B4GALT5: variants seen among roughly 807,000 people sequenced by gnomAD.
The protein encoded by B4GALT5 is beta-1,4-galactosyltransferase 5.
B4GALT5 carries 11 observed loss-of-function variants against 45.0 expected under a neutral mutation model. That is an observed-to-expected ratio of 0.24 (90% CI 0.15 to 0.40). The LOEUF is 0.40. Among genes scored for constraint, B4GALT5 ranks in the 10% least tolerant of loss-of-function variants. The pLI, the probability that B4GALT5 is intolerant of heterozygous loss-of-function variation, is 1.00. For synonymous variants in B4GALT5, 185 were observed against 182.9 expected (o/e 1.01, Z -0.09); for missense variants, 337 against 500.2 (o/e 0.67, Z 3.11).
At chr20:49,648,703 T>C (rs891530562) in intron 2 of B4GALT5, among the ~76,000 whole-genome samples, 14 of 152,172 alleles carry the variant, frequency 9.2e-5, no homozygotes, top group Non-Finnish European at 2.9e-5. Flanking sequence ...GTCACGTTAG[T>C]GGATATGAAG....
chr20:49,641,848 T>A (rs1049906190), intron 5 of B4GALT5, among the ~76,000 whole-genome samples: 1 of 152,012 alleles, frequency 6.6e-6, no homozygotes, highest in African/African-American at 2.4e-5. Context: ...AAGTCAGTAA[T>A]GTAAACATAT....
chr20:49,709,617 CAAAAATTAGCCAG>C (rs1302512929), intron 1 of B4GALT5, among the ~76,000 whole-genome samples: 1 of 151,954 alleles, frequency 6.6e-6, no homozygotes, highest in African/African-American at 2.4e-5. Flanking sequence ...ACTAAAAATA[CAAAAATTAGCCAG>C]TGGTGGCAAG....
intron 1 of B4GALT5, among the ~76,000 whole-genome samples, chr20:49,686,303 CTG>C (rs1455108458): frequency 1.3e-5 from 2 of 152,118 alleles, no homozygotes. Context: ...GTGGATTTCT[CTG>C]TGTTGGTTTG....
chr20:49,644,456 G>C (rs985789467), intron 3 of B4GALT5, among the ~76,000 whole-genome samples: 1 of 152,186 alleles, frequency 6.6e-6, no homozygotes, highest in Admixed American at 6.5e-5. Flanking sequence ...TGCTCCTGAT[G>C]CAAGTGCAGC....
chr20:49,669,535 A>G (rs959387651), intron 1 of B4GALT5, among the ~76,000 whole-genome samples: 3 of 152,050 alleles, frequency 2.0e-5, no homozygotes, highest in Non-Finnish European at 2.9e-5. Flanking sequence ...CGTCTCTACT[A>G]AAAATACAAA....
chr20:49,682,239 A>G (rs1452936683), intron 1 of B4GALT5, among the ~76,000 whole-genome samples: 1 of 152,234 alleles, frequency 6.6e-6, no homozygotes, highest in Non-Finnish European at 1.5e-5. Flanking sequence ...CAGTGTGAAT[A>G]AAGCACTGCT....
chr20:49,665,648 T>TA (rs1469450187), intron 1 of B4GALT5, among the ~76,000 whole-genome samples: 1 of 150,104 alleles, frequency 6.7e-6, no homozygotes, highest in African/African-American at 2.5e-5. Context: ...ACTCTAAAGA[T>TA]AAAGAGATAC....
chr20:49,704,747 A>C (rs572055750), intron 1 of B4GALT5, among the ~76,000 whole-genome samples: 2,460 of 151,730 alleles, frequency 0.016, 61 homozygotes, highest in African/African-American at 0.05. Context: ...AACAAAAAAA[A>C]ACCACAACAT....
intron 1 of B4GALT5, among the ~76,000 whole-genome samples, chr20:49,677,983 G>A (rs983043648): frequency 2.6e-5 from 4 of 152,230 alleles, no homozygotes; most frequent in African/African-American, 7.2e-5. Flanking sequence ...CCTGACCTCA[G>A]GTGATCTGCC....
chr20:49,678,675 C>T (rs184265923), intron 1 of B4GALT5, among the ~76,000 whole-genome samples: 1 of 152,314 alleles, frequency 6.6e-6, no homozygotes, highest in Admixed American at 6.5e-5. Flanking sequence ...TCTCAAACTT[C>T]CTCCTAACAC....
rs138727530 is a variant in B4GALT5 at position 49,643,922 on chromosome 20, C to CTTTTTTT, written c.365-279_365-273dup. On this transcript the variant is annotated intron_variant, in intron 3 of 8. Coordinates refer to ENST00000371711, the MANE Select transcript of B4GALT5 (RefSeq NM_004776.4). The stretch of plus-strand genomic sequence containing the variant: ...AACTTTAAGTAAAACAGTAGCTGAG[C>CTTTTTTT]TTTTTTTTTTTTTTTTTTTTTTTTT... Among the ~76,000 whole-genome samples the CTTTTTTT allele has an allele frequency of 1.9e-4, 10 of 52,184 alleles. 1 individual carries two copies. The highest frequency in any genetic ancestry group is 2.9e-4 in the Admixed American group (1 of 3,402). The allele number at this position is 52,184 out of a possible 152,430, so 34.2% of individuals were successfully genotyped here. A position where few individuals can be genotyped will look rare whatever the true frequency, so the allele number is the denominator to read the frequency against.
intron 2 of B4GALT5, among the ~76,000 whole-genome samples, chr20:49,652,738 T>C (rs1057072001): frequency 1.3e-5 from 2 of 152,212 alleles, no homozygotes; most frequent in Non-Finnish European, 2.9e-5. Flanking sequence ...CTAATCACCA[T>C]GTTGCTTTTA....
chr20:49,655,400 C>G (rs1179958476), intron 2 of B4GALT5, among the ~76,000 whole-genome samples: 1 of 151,944 alleles, frequency 6.6e-6, no homozygotes, highest in Non-Finnish European at 1.5e-5. Context: ...CCACTGCACT[C>G]CAGCCTGGGT....
At chr20:49,682,278 C>T (rs1366971247) in intron 1 of B4GALT5, among the ~76,000 whole-genome samples, 3 of 152,212 alleles carry the variant, frequency 2.0e-5, no homozygotes, top group Non-Finnish European at 2.9e-5. Context: ...TGTGCACTGC[C>T]TACTACTGCT....
chr20:49,643,402 A>C, intron 4 of B4GALT5, 124 bp downstream of exon 4: 2 of 1,294,498 alleles, frequency 1.5e-6, no homozygotes, highest in Non-Finnish European at 2.1e-6. Context: ...ATGTTTCTAC[A>C]TTTGCATGGA....
At chr20:49,710,739 C>G (rs1247792577) in intron 1 of B4GALT5, among the ~76,000 whole-genome samples, 1 of 152,020 alleles carries the variant, frequency 6.6e-6, no homozygotes, top group African/African-American at 2.4e-5. Context: ...ATTTTCTAAG[C>G]TCATTTTAAT....
At chr20:49,710,709 C>T (rs2085905676) in intron 1 of B4GALT5, among the ~76,000 whole-genome samples, 1 of 151,992 alleles carries the variant, frequency 6.6e-6, no homozygotes, top group Non-Finnish European at 1.5e-5. Flanking sequence ...TGAGCCACCA[C>T]ACCCAGCCAA....
chr20:49,707,084 G>A (rs2085887439), intron 1 of B4GALT5, among the ~76,000 whole-genome samples: 1 of 152,128 alleles, frequency 6.6e-6, no homozygotes. Flanking sequence ...TCATCTGCCG[G>A]CTAGGTATCC....
Position 49,639,788 on chromosome 20 carries a change from G to A in B4GALT5, c.807C>T (p.Thr269=), listed in dbSNP as rs558238750. ...LDKYMYLLPY[T]EFFGGVSGLT... ...AGCCACTCACTCCGCCAAAGAACTC[G>A]GTATAAGGAAGCCTAGGAGGAGATG... The change falls in exon 7 of 9, where the codon ACC becomes ACT. Residue 269 remains threonine (T), a synonymous_variant. Transcript: ENST00000371711. 3.7e-5 allele frequency: 59 copies of A among 1,612,912 alleles called. No individual in the cohort carries two copies. The highest frequency in any genetic ancestry group is 1.6e-4 in the Middle Eastern group (1 of 6,080).
Sources: gnomAD v4.1 joint callset for allele counts (sites outside exome capture counted in the v4.1 genomes callset) on GRCh38, gnomAD v4.1.1 for gene constraint, MANE v1.5 for transcripts, NCBI Gene and HGNC (gene_info 2026-07-23, HGNC 2026-07-21) for gene names.